The following CDC42SE2 variants were observed in gnomAD, a reference collection of about 807,000 sequenced individuals.
CDC42SE2 encodes CDC42 small effector protein 2.
In CDC42SE2, 3 loss-of-function variants were observed where a neutral mutation model predicts 11.5. That is an observed-to-expected ratio of 0.26 (90% confidence interval 0.12 to 0.67). The LOEUF (loss-of-function observed/expected upper bound fraction) is 0.67, where lower values mean the gene tolerates loss of function less well. Ranked by LOEUF, CDC42SE2 falls within the 30% of genes least tolerant of loss-of-function variation. The probability of loss-of-function intolerance (pLI) is 0.80; values close to 1 mark genes in which losing one functional copy is unlikely to be tolerated. For synonymous variants in CDC42SE2, 33 were observed against 34.8 expected (o/e 0.95, Z 0.18); for missense variants, 82 against 106.8 (o/e 0.77, Z 1.02).
upstream of CDC42SE2, among the ~76,000 whole-genome samples, chr5:131,243,410 C>T (rs995645786): frequency 6.6e-5 from 10 of 151,992 alleles, no homozygotes; most frequent in Non-Finnish European, 1.0e-4. Context: ...AACTGTGAAA[C>T]CCCATCTCTA....
the CDC42SE2 span, among the ~76,000 whole-genome samples, chr5:131,232,954 T>G: frequency 6.6e-6 from 1 of 151,668 alleles, no homozygotes; most frequent in Non-Finnish European, 1.5e-5. Context: ...AGAAAAAAAT[T>G]TTTTGAAAGC....
At chr5:131,314,341 C>T (rs1757995465) in intron 1 of CDC42SE2, among the ~76,000 whole-genome samples, 2 of 151,764 alleles carry the variant, frequency 1.3e-5, no homozygotes, top group East Asian at 1.9e-4. Context: ...AAGTAATCCT[C>T]CCACCACAGC....
At chr5:131,261,410 A>G (rs997518346), upstream of CDC42SE2, 2 of 152,338 alleles carry the variant, frequency 1.3e-5, no homozygotes, top group Admixed American at 1.3e-4. Context: ...TTTATAAACA[A>G]AAGTCTATTT....
chr5:131,308,790 G>C (rs550202755), intron 1 of CDC42SE2, among the ~76,000 whole-genome samples: 2 of 152,040 alleles, frequency 1.3e-5, no homozygotes, highest in East Asian at 3.9e-4. Flanking sequence ...TTTGTACATT[G>C]ATTTTGTATC....
chr5:131,229,203 C>T, the CDC42SE2 span, among the ~76,000 whole-genome samples: 1 of 151,710 alleles, frequency 6.6e-6, no homozygotes, highest in African/African-American at 2.4e-5. Context: ...TTTTAGAGAT[C>T]GGGTTCTTGC....
At chr5:131,245,653 A>G (rs186120965) in intron 1 of CDC42SE2, 12 of 152,328 alleles carry the variant, frequency 7.9e-5, no homozygotes, top group Non-Finnish European at 1.3e-4. Context: ...TCTCCTGCAT[A>G]TTAGAATCAC....
chr5:131,303,251 C>T (rs1757718554), intron 1 of CDC42SE2, among the ~76,000 whole-genome samples: 1 of 152,062 alleles, frequency 6.6e-6, no homozygotes, highest in South Asian at 2.1e-4. Context: ...TCTTACAGGT[C>T]TATATTTGTC....
At chr5:131,238,919 A>G in the CDC42SE2 span, among the ~76,000 whole-genome samples, 1 of 152,058 alleles carries the variant, frequency 6.6e-6, no homozygotes, top group Admixed American at 6.6e-5. Flanking sequence ...GCACTTTGGG[A>G]GGCTGAGGCG....
chr5:131,243,546 A>G (rs1194420703), upstream of CDC42SE2, among the ~76,000 whole-genome samples: 2 of 152,224 alleles, frequency 1.3e-5, no homozygotes, highest in East Asian at 1.9e-4. Flanking sequence ...AGATCGCGCC[A>G]CTGCACTCCA....
At chr5:131,221,285 A>T in the CDC42SE2 span, among the ~76,000 whole-genome samples, 1 of 151,170 alleles carries the variant, frequency 6.6e-6, no homozygotes, top group African/African-American at 2.4e-5. Context: ...ATAAAACATT[A>T]TGAGATTTTT....
rs1333646110 is a variant in CDC42SE2 at position 131,392,290 on chromosome 5, G to T, written c.*1199G>T. The T allele has an allele frequency of 6.5e-6, 1 of 152,676 alleles. No individual in the cohort carries two copies. Among genetic ancestry groups the T allele is most frequent in the Admixed American group, 6.6e-5 (1 of 15,266 alleles). The allele number at this position is 152,676 out of a possible 1,614,324, so 9.5% of individuals were successfully genotyped here. On this transcript the variant is annotated 3_prime_UTR_variant, in exon 5 of 5. Coordinates refer to ENST00000505065, the MANE Select transcript of CDC42SE2 (RefSeq NM_001375635.1). ...AAGGTATGAGACCCACAAGCACAAT[G>T]ATCATTTTTATTTGTTTGTTTGTTT... is the stretch of plus-strand genomic sequence containing the variant.
At chr5:131,278,598 C>A (rs2149699436) in intron 1 of CDC42SE2, among the ~76,000 whole-genome samples, 1 of 150,444 alleles carries the variant, frequency 6.6e-6, no homozygotes, top group East Asian at 2.0e-4. Context: ...GGGCCCTTTT[C>A]TCAAAGAGGT....
the CDC42SE2 span, among the ~76,000 whole-genome samples, chr5:131,238,500 T>TA: frequency 0.34 from 34,789 of 103,310 alleles, 7,462 homozygotes; most frequent in African/African-American, 0.64. Flanking sequence ...CAGACTCGTC[T>TA]AAAAAAAAAA....
At chr5:131,278,716 C>CT (rs1757159570) in intron 1 of CDC42SE2, among the ~76,000 whole-genome samples, 2 of 52,624 alleles carry the variant, frequency 3.8e-5, no homozygotes, top group Non-Finnish European at 7.2e-5. Context: ...TTTCCTCTCC[C>CT]CTCCCCTCCC....
intron 1 of CDC42SE2, among the ~76,000 whole-genome samples, chr5:131,267,853 T>C (rs775608748): frequency 6.6e-5 from 10 of 152,136 alleles, no homozygotes; most frequent in Admixed American, 6.6e-5. Flanking sequence ...GTTAAGGTTT[T>C]ATAAGATTTT....
At chr5:131,343,252 T>C (rs1438825630) in intron 2 of CDC42SE2, among the ~76,000 whole-genome samples, 1 of 151,950 alleles carries the variant, frequency 6.6e-6, no homozygotes, top group Non-Finnish European at 1.5e-5. Context: ...GAGATGCTTA[T>C]TAGCAGGTGG....
chr5:131,325,492 T>G (rs1434011527), intron 2 of CDC42SE2, among the ~76,000 whole-genome samples: 2 of 152,016 alleles, frequency 1.3e-5, no homozygotes, highest in East Asian at 3.9e-4. Flanking sequence ...TGGTTTTTTT[T>G]TTTTTTGAAG....
At chr5:131,375,422 C>G (rs949136608) in intron 3 of CDC42SE2, among the ~76,000 whole-genome samples, 3 of 152,168 alleles carry the variant, frequency 2.0e-5, no homozygotes, top group African/African-American at 7.2e-5. Flanking sequence ...ATGAATATTT[C>G]CAACACAAAA....
rs374582105 is a variant in CDC42SE2 at position 131,342,310 on chromosome 5, A to C, written c.-285-16899A>C. On this transcript the variant is annotated intron_variant, in intron 2 of 4. Transcript: ENST00000505065. ...AAAAAAAAAAGGTAAATACCAGAAG[A>C]AGCAGCTTGGTAAGTTAAAAACAGT... 2.4e-4 allele frequency among the ~76,000 whole-genome samples: 36 copies of C among 150,790 alleles called. No homozygotes were observed. The East Asian group carries it at 3.7e-3, about 16-fold the overall frequency.
Sources: allele counts gnomAD v4.1 joint callset (sites outside exome capture counted in the v4.1 genomes callset), GRCh38; gene constraint gnomAD v4.1.1; transcripts MANE v1.5; gene names NCBI Gene and HGNC (gene_info 2026-07-23, HGNC 2026-07-21).